Variants in NCEH1 observed in about 807,000 individuals in gnomAD.
NCEH1 encodes the protein 2-acetyl MAGE hydrolase.
A neutral mutation model predicts 25.4 loss-of-function variants in NCEH1; 9 were observed. The ratio of observed to expected loss-of-function variants is 0.35; its 90% CI spans 0.21 to 0.62. The LOEUF (loss-of-function observed/expected upper bound fraction) is 0.62, where lower values mean the gene tolerates loss of function less well. NCEH1 is among the 20% of genes least tolerant of loss of function. The pLI is 0.72. For missense variants in NCEH1, 412 were observed against 501.1 expected (o/e 0.82, Z 1.70); for synonymous variants, 200 against 199.8 (o/e 1.00, Z -0.01).
chr3:172,661,673 G>A (rs1387851581), intron 1 of NCEH1, among the ~76,000 whole-genome samples: 3 of 152,004 alleles, frequency 2.0e-5, no homozygotes, highest in African/African-American at 4.8e-5. Flanking sequence ...AGTTCTCCTT[G>A]AAGAGGTCCT....
chr3:172,691,254 T>C lies in NCEH1; in HGVS notation c.138+19593A>G, dbSNP rs756430582. 8.0e-4 allele frequency among the ~76,000 whole-genome samples: 122 copies of C among 152,280 alleles called. 2 individuals are homozygous for C. Among genetic ancestry groups the C allele is most frequent in the Non-Finnish European group, 1.4e-3 (94 of 68,012 alleles). On this transcript the variant is annotated intron_variant, in intron 1 of 4. Coordinates refer to ENST00000475381, the MANE Select transcript of NCEH1 (RefSeq NM_020792.6). ...TCCATGTCAGACATCCCTTCCTCTATGGTGCCCTATCCAACTCATCCCTCA... is the reference window on the plus strand; with the variant it reads ...TCCATGTCAGACATCCCTTCCTCTACGGTGCCCTATCCAACTCATCCCTCA...
intron 1 of NCEH1, among the ~76,000 whole-genome samples, chr3:172,706,124 G>C (rs1425534411): frequency 6.6e-6 from 1 of 151,608 alleles, no homozygotes; most frequent in Non-Finnish European, 1.5e-5. Flanking sequence ...TGGCACAACA[G>C]TCTCCCAAAG....
At chr3:172,692,893 C>T (rs944062112) in intron 1 of NCEH1, among the ~76,000 whole-genome samples, 1 of 152,176 alleles carries the variant, frequency 6.6e-6, no homozygotes, top group African/African-American at 2.4e-5. Flanking sequence ...CAGTAGCTTC[C>T]TGTGTCTGCC....
At chr3:172,666,862 C>G (rs527252285) in intron 1 of NCEH1, among the ~76,000 whole-genome samples, 7 of 152,280 alleles carry the variant, frequency 4.6e-5, no homozygotes, top group Non-Finnish European at 1.0e-4. Flanking sequence ...TAGGCAAGAT[C>G]AGGAAATGCT....
intron 1 of NCEH1, among the ~76,000 whole-genome samples, chr3:172,682,549 G>A (rs1442956642): frequency 6.6e-6 from 1 of 152,176 alleles, no homozygotes; most frequent in Non-Finnish European, 1.5e-5. Flanking sequence ...GGATATGTCA[G>A]CCTCTTTCTT....
intron 3 of NCEH1, among the ~76,000 whole-genome samples, chr3:172,642,603 C>CAAAAAAAA (rs66551744): frequency 7.8e-4 from 65 of 83,386 alleles, no homozygotes; most frequent in Non-Finnish European, 1.0e-3. Flanking sequence ...GCTATTTCTA[C>CAAAAAAAA]AAAAAAAAAA....
At chr3:172,692,131 C>G (rs1164099482) in intron 1 of NCEH1, among the ~76,000 whole-genome samples, 1 of 152,086 alleles carries the variant, frequency 6.6e-6, no homozygotes, top group Non-Finnish European at 1.5e-5. Flanking sequence ...TAGCTGCCAA[C>G]AACTGCAGTG....
At chr3:172,697,664 T>TGGAGGGAGA (rs367981173) in intron 1 of NCEH1, among the ~76,000 whole-genome samples, 1 of 152,010 alleles carries the variant, frequency 6.6e-6, no homozygotes, top group Non-Finnish European at 1.5e-5. Context: ...GAGCTGAGCG[T>TGGAGGGAGA]GGAGGGAGAG....
At chr3:172,705,770 G>T (rs1048983971) in intron 1 of NCEH1, among the ~76,000 whole-genome samples, 2 of 152,162 alleles carry the variant, frequency 1.3e-5, no homozygotes, top group Non-Finnish European at 2.9e-5. Flanking sequence ...GCCAAGGCTG[G>T]TGGATCACCT....
chr3:172,702,587 C>G (rs1011574165), intron 1 of NCEH1, among the ~76,000 whole-genome samples: 1 of 152,174 alleles, frequency 6.6e-6, no homozygotes, highest in Non-Finnish European at 1.5e-5. Flanking sequence ...GTGATGACGT[C>G]CAGGGTTTTA....
At chr3:172,678,214 TACATA>T (rs1383573444) in intron 1 of NCEH1, among the ~76,000 whole-genome samples, 1 of 152,200 alleles carries the variant, frequency 6.6e-6, no homozygotes, top group African/African-American at 2.4e-5. Flanking sequence ...GAGTTTTGCC[TACATA>T]AACAGTGTCT....
At chr3:172,642,121 G>A (rs1018959702) in intron 3 of NCEH1, among the ~76,000 whole-genome samples, 1 of 152,024 alleles carries the variant, frequency 6.6e-6, no homozygotes, top group East Asian at 1.9e-4. Flanking sequence ...AAAGAAAGAA[G>A]AAAGAAGCGA....
At chr3:172,697,899 A>G (rs1019980855) in intron 1 of NCEH1, among the ~76,000 whole-genome samples, 21 of 152,196 alleles carry the variant, frequency 1.4e-4, no homozygotes, top group African/African-American at 5.1e-4. Context: ...AATTCTGCAA[A>G]TGCATCTATT....
chr3:172,674,743 C>CTA (rs1171021288), intron 1 of NCEH1, among the ~76,000 whole-genome samples: 4 of 152,188 alleles, frequency 2.6e-5, no homozygotes, highest in African/African-American at 9.7e-5. Context: ...CGCAATAGAA[C>CTA]TATACACTGT....
intron 1 of NCEH1, among the ~76,000 whole-genome samples, chr3:172,695,585 C>CAAT (rs1162989803): frequency 5.9e-5 from 9 of 152,114 alleles, no homozygotes; most frequent in Non-Finnish European, 1.2e-4. Context: ...AATATAACAA[C>CAAT]AATAGTACTT....
intron 3 of NCEH1, among the ~76,000 whole-genome samples, chr3:172,637,717 C>T (rs987828167): frequency 1.3e-5 from 2 of 152,110 alleles, no homozygotes; most frequent in African/African-American, 2.4e-5. Context: ...GGTGAAAACC[C>T]GTTTCTACTA....
chr3:172,657,252 G>C (rs1717738270), intron 1 of NCEH1, among the ~76,000 whole-genome samples: 1 of 152,072 alleles, frequency 6.6e-6, no homozygotes, highest in Non-Finnish European at 1.5e-5. Flanking sequence ...TCTAGTCCTT[G>C]ATCTATCTTT....
chr3:172,671,644 T>G (rs1711633426), intron 1 of NCEH1, among the ~76,000 whole-genome samples: 2 of 147,608 alleles, frequency 1.4e-5, no homozygotes, highest in African/African-American at 5.1e-5. Context: ...AGCATGTATA[T>G]ATACATACAC....
At chr3:172,642,163 T>G (rs886214280) in intron 3 of NCEH1, among the ~76,000 whole-genome samples, 2 of 151,854 alleles carry the variant, frequency 1.3e-5, no homozygotes, top group Non-Finnish European at 2.9e-5. Flanking sequence ...ACTGCTTTTT[T>G]TTTCTATTTT....
Sources: allele counts gnomAD v4.1 joint callset (sites outside exome capture counted in the v4.1 genomes callset), GRCh38; gene constraint gnomAD v4.1.1; transcripts MANE v1.5; gene names NCBI Gene and HGNC (gene_info 2026-07-23, HGNC 2026-07-21).